The following CDH12 variants were observed in gnomAD, a reference collection of about 807,000 sequenced individuals.
CDH12 encodes cadherin-12.
Under a neutral mutation model 74.1 loss-of-function variants are expected in CDH12, and 41 were observed. The observed-to-expected ratio is 0.55, with a 90% confidence interval of 0.43 to 0.72. The LOEUF (loss-of-function observed/expected upper bound fraction) is 0.72, where lower values mean the gene tolerates loss of function less well. Ranked by LOEUF, CDH12 falls within the 30% of genes least tolerant of loss-of-function variation. The pLI is 0.00. For missense variants in CDH12, 945 were observed against 977.2 expected (o/e 0.97, Z 0.44); for synonymous variants, 399 against 355.0 (o/e 1.12, Z -1.39).
intron 1 of CDH12, among the ~76,000 whole-genome samples, chr5:22,671,545 A>G (rs1348981981): frequency 6.6e-6 from 1 of 152,126 alleles, no homozygotes; most frequent in African/African-American, 2.4e-5. Flanking sequence ...ACTCCCCAAC[A>G]TGAAAATCCA....
intron 3 of CDH12, among the ~76,000 whole-genome samples, chr5:22,269,705 A>T (rs1736295744): frequency 6.6e-6 from 1 of 152,196 alleles, no homozygotes; most frequent in Non-Finnish European, 1.5e-5. Flanking sequence ...ACCTGAAATG[A>T]CTTTCTGCTT....
intron 5 of CDH12, among the ~76,000 whole-genome samples, chr5:22,028,784 A>C (rs1738580806): frequency 6.6e-6 from 1 of 152,204 alleles, no homozygotes; most frequent in Admixed American, 6.6e-5. Context: ...ATGGAACCAA[A>C]AAAGAGCCCG....
At chr5:21,841,899 C>A (rs190888641) in intron 8 of CDH12, among the ~76,000 whole-genome samples, 2,875 of 149,904 alleles carry the variant, frequency 0.019, 60 homozygotes, top group African/African-American at 0.055. Flanking sequence ...GGGAGATATA[C>A]CTAATGCTGG....
At chr5:22,647,199 AGTTAGTT>A (rs890610289) in intron 1 of CDH12, among the ~76,000 whole-genome samples, 93 of 151,904 alleles carry the variant, frequency 6.1e-4, no homozygotes, top group African/African-American at 2.2e-3. Flanking sequence ...ACTTTGGACA[AGTTAGTT>A]GTCTTCTCTG....
intron 4 of CDH12, among the ~76,000 whole-genome samples, chr5:22,124,425 T>C (rs140265395): frequency 2.2e-3 from 328 of 152,204 alleles, no homozygotes; most frequent in Non-Finnish European, 4.1e-3. Flanking sequence ...TGCCCGGCCT[T>C]GCTTATTTTT....
chr5:22,838,237 C>A (rs972687004), intron 1 of CDH12, among the ~76,000 whole-genome samples: 2 of 152,216 alleles, frequency 1.3e-5, no homozygotes, highest in East Asian at 1.9e-4. Flanking sequence ...TCAAAGGGGG[C>A]AACAGCTTCT....
chr5:22,529,220 GAGAGAA>G (rs1187307863), intron 1 of CDH12, among the ~76,000 whole-genome samples: 29 of 141,982 alleles, frequency 2.0e-4, no homozygotes, highest in African/African-American at 6.6e-4. Context: ...GAGAGAGAGA[GAGAGAA>G]GAGAGAGAGA....
At chr5:22,571,289 T>C (rs1457345919) in intron 1 of CDH12, among the ~76,000 whole-genome samples, 1 of 152,170 alleles carries the variant, frequency 6.6e-6, no homozygotes, top group African/African-American at 2.4e-5. Context: ...ATCTCAACTT[T>C]TGTCATGCCT....
intron 5 of CDH12, among the ~76,000 whole-genome samples, chr5:22,038,890 A>G (rs1170832999): frequency 1.3e-5 from 2 of 152,124 alleles, no homozygotes; most frequent in African/African-American, 4.8e-5. Flanking sequence ...CCTCCGATAC[A>G]GGCCAAATGG....
chr5:22,081,255 T>C (rs1376290225), intron 4 of CDH12, among the ~76,000 whole-genome samples: 4 of 152,198 alleles, frequency 2.6e-5, no homozygotes, highest in African/African-American at 4.8e-5. Flanking sequence ...ATATCTAACA[T>C]GAACTCCATC....
Position 21,755,523 on chromosome 5 carries a change from GGAGA to G in CDH12, c.1885+64_1885+67del, listed in dbSNP as rs1042824638. On this transcript the variant is annotated intron_variant, in intron 14 of 14. Coordinates refer to ENST00000382254, the MANE Select transcript of CDH12 (RefSeq NM_004061.5). ...ATGATAAATTGAGGAGAGAGATGGA[GGAGA>G]GAGAGGGGAAAAAAAGGAAGAGAGA... 1.6e-5 allele frequency: 22 copies of G among 1,388,690 alleles called. No individual in the cohort carries two copies. In the African/African-American group the frequency reaches 2.0e-4, roughly 13 times the overall value. The allele number at this position is 1,388,690 out of a possible 1,614,324, so 86.0% of individuals were successfully genotyped here. A position where few individuals can be genotyped will look rare whatever the true frequency, so the allele number is the denominator to read the frequency against.
chr5:21,927,179 C>A (rs1280171352), intron 6 of CDH12, among the ~76,000 whole-genome samples: 1 of 151,908 alleles, frequency 6.6e-6, no homozygotes, highest in Admixed American at 6.6e-5. Flanking sequence ...AATTAAGGAG[C>A]AAAATTTTAA....
intron 1 of CDH12, among the ~76,000 whole-genome samples, chr5:22,575,117 A>T (rs1248535879): frequency 6.6e-6 from 1 of 152,186 alleles, no homozygotes; most frequent in Non-Finnish European, 1.5e-5. Context: ...ATTTCATGAC[A>T]CTAACAACGT....
At chr5:22,459,754 C>T (rs993672000) in intron 2 of CDH12, among the ~76,000 whole-genome samples, 5 of 152,090 alleles carry the variant, frequency 3.3e-5, no homozygotes, top group African/African-American at 9.7e-5. Flanking sequence ...ATCATGAGGT[C>T]AGGAGATCAA....
Position 22,623,292 on chromosome 5 carries a change from A to G in CDH12, c.-522-117928T>C, listed in dbSNP as rs151106733. ...GGCTCTCTCACCACTCCTATTCAAC[A>G]TAGTGTTGCAAGTTCTGGTCAGGGC... On this transcript the variant is annotated intron_variant, in intron 1 of 14. Transcript: ENST00000382254. Among the ~76,000 whole-genome samples, 847 of 152,324 alleles carry G rather than the reference A, an allele frequency of 5.6e-3. 25 individuals are homozygous for G. Among genetic ancestry groups the G allele is most frequent in the Admixed American group, 0.049 (747 of 15,290 alleles).
chr5:22,633,902 G>C (rs1333449031), intron 1 of CDH12, among the ~76,000 whole-genome samples: 1 of 152,056 alleles, frequency 6.6e-6, no homozygotes, highest in Non-Finnish European at 1.5e-5. Context: ...TATCTACAGA[G>C]CTACGACTAA....
At chr5:22,674,677 A>G (rs1484860058) in intron 1 of CDH12, among the ~76,000 whole-genome samples, 1 of 152,158 alleles carries the variant, frequency 6.6e-6, no homozygotes, top group Non-Finnish European at 1.5e-5. Flanking sequence ...AATGGCTTTG[A>G]CAAAAATTCT....
chr5:22,744,835 G>A (rs1459098520), intron 1 of CDH12, among the ~76,000 whole-genome samples: 1 of 152,030 alleles, frequency 6.6e-6, no homozygotes, highest in Non-Finnish European at 1.5e-5. Flanking sequence ...GCCCTTACCA[G>A]TTGTGTGACT....
At chr5:22,208,280 A>T (rs1276541047) in intron 4 of CDH12, among the ~76,000 whole-genome samples, 1 of 152,146 alleles carries the variant, frequency 6.6e-6, no homozygotes. Context: ...ACAGAGAAAA[A>T]TGTGAATGTG....
Sources: allele counts gnomAD v4.1 joint callset (sites outside exome capture counted in the v4.1 genomes callset), GRCh38; gene constraint gnomAD v4.1.1; transcripts MANE v1.5; gene names NCBI Gene and HGNC (gene_info 2026-07-23, HGNC 2026-07-21).